The following PYCR2 variants were observed in gnomAD, a reference collection of about 807,000 sequenced individuals.
PYCR2 encodes P5C reductase 2.
A neutral mutation model predicts 23.4 loss-of-function variants in PYCR2; 17 were observed. The ratio of observed to expected loss-of-function variants is 0.73; its 90% CI spans 0.50 to 1.09. The LOEUF is 1.09. Among genes scored for constraint, PYCR2 ranks in the 50% least tolerant of loss-of-function variants. PYCR2 has a pLI of 0.00. For missense variants in PYCR2, 380 were observed against 423.5 expected, an observed-to-expected ratio of 0.90 and a Z score of 0.90; for synonymous variants, 172 against 176.6, an observed-to-expected ratio of 0.97 and a Z score of 0.21.
At chr1:225,922,968 A>G in intron 2 of PYCR2, 1 of 953,376 alleles carries the variant, frequency 1.0e-6, no homozygotes, top group Non-Finnish European at 1.2e-6. Flanking sequence ...AAGACTTGGA[A>G]TATGTTTTTG....
At chr1:225,923,528 C>A in intron 2 of PYCR2, 173 bp downstream of exon 2, 1 of 1,453,798 alleles carries the variant, frequency 6.9e-7, no homozygotes, top group South Asian at 1.4e-5. Context: ...TGGGTGTTCC[C>A]ACCACATTGA....
At position 225,921,377 on chromosome 1, in the gene PYCR2, G is replaced by A; in HGVS notation, c.634-6C>T. 1 of 1,536,150 alleles carries A rather than the reference G, an allele frequency of 6.5e-7. No homozygotes were observed. Among genetic ancestry groups the A allele is most frequent in the Admixed American group, 1.7e-5 (1 of 59,542 alleles). On this transcript the variant is annotated splice_region_variant and splice_polypyrimidine_tract_variant and intron_variant, in intron 5 of 6. Coordinates refer to ENST00000343818, the MANE Select transcript of PYCR2 (RefSeq NM_013328.4). The surrounding 1 kb of genome is among the most constrained non-coding windows in gnomAD (Gnocchi z 4.2). ...AGCAGCATCTTGGCAGCTCCCTATG[G>A]GGAAGGGCACATTAGGAGAAAGTTG... is the stretch of plus-strand genomic sequence containing the variant.
rs538606802 is a variant in PYCR2 at position 225,921,971 on chromosome 1, C to T, written c.427G>A (p.Val143Met). The change falls in exon 4 of 7, where the codon GTG becomes ATG. Residue 143 changes from valine (V) to methionine (M), a missense_variant. By Grantham distance (21) the Val-to-Met change is conservative (BLOSUM62 1). Transcript: ENST00000343818. The surrounding 1 kb of genome is among the most constrained non-coding windows in gnomAD (Gnocchi z 4.2). ...TGCTCCAGGAGCTGCCCATCCTCCACCAGGGCATGGGTGCCCGTGGCGTAC... is the reference window on the plus strand; with the variant it reads ...TGCTCCAGGAGCTGCCCATCCTCCATCAGGGCATGGGTGCCCGTGGCGTAC... Reference protein sequence around the residue: ...TVYATGTHALVEDGQLLEQLM... With the variant: ...TVYATGTHALMEDGQLLEQLM... The T allele has an allele frequency of 2.0e-5, 33 of 1,614,162 alleles. No homozygotes were observed. The highest frequency in any genetic ancestry group is 1.7e-4 in the Admixed American group (10 of 60,024).
In PYCR2 at chr1:225,921,430, T is replaced by G; in HGVS notation, c.634-59A>C. On this transcript the variant is annotated intron_variant, in intron 5 of 6. Transcript: ENST00000343818. The surrounding 1 kb of genome is among the most constrained non-coding windows in gnomAD (Gnocchi z 4.2). ...GGTGTGCGTTGGAACAGGCTTCCCA[T>G]ACCCACTGCTCCTGCCCAACTGCTA... is the stretch of plus-strand genomic sequence containing the variant. 1 of 1,522,322 alleles carries G rather than the reference T, an allele frequency of 6.6e-7. No individual in the cohort carries two copies. Among genetic ancestry groups the G allele is most frequent in the Non-Finnish European group, 9.1e-7 (1 of 1,104,472 alleles). The allele number at this position is 1,522,322 out of a possible 1,614,324, so 94.3% of individuals were successfully genotyped here.
rs928385102 is a variant in PYCR2 at position 225,921,149 on chromosome 1, A to G, written c.797+59T>C. The stretch of plus-strand genomic sequence containing the variant: ...AGGTTCCGCAAATGGTGCTCAACCC[A>G]GCCCAGGGACCAACCAGGACTGAAG... On this transcript the variant is annotated intron_variant, in intron 6 of 6. Coordinates refer to ENST00000343818, the MANE Select transcript of PYCR2 (RefSeq NM_013328.4). The surrounding 1 kb of genome is among the most constrained non-coding windows in gnomAD (Gnocchi z 4.2). The G allele has an allele frequency of 2.4e-5, 37 of 1,515,856 alleles. No homozygotes were observed. In the African/African-American group the frequency reaches 4.9e-4, roughly 20 times the overall value. 93.9% of individuals were successfully genotyped at this position (1,515,856 alleles called of 1,614,324 possible).
Position 225,922,255 on chromosome 1 carries a change from T to C in PYCR2, c.267A>G (p.Arg89=), listed in dbSNP as rs370656182. ...LDEIGADVQA[R]HIVVSCAAGV... is the part of the protein sequence containing the mutation. ...CAGCCGCACAGGAGACCACGATGTG[T>C]CTGGCTTGCACGTCGGCCCCAATCT... is the stretch of plus-strand genomic sequence containing the variant. Residue 89 remains arginine (R), a synonymous_variant, in exon 3 of 7, where the codon AGA becomes AGG. Coordinates refer to ENST00000343818, the MANE Select transcript of PYCR2 (RefSeq NM_013328.4). The C allele has an allele frequency of 1.2e-5, 19 of 1,614,202 alleles. No individual in the cohort carries two copies. The highest frequency in any genetic ancestry group is 4.0e-5 in the African/African-American group (3 of 75,054).
chr1:225,923,720 G>C lies in PYCR2; in HGVS notation c.119C>G (p.Pro40Arg). The C allele has an allele frequency of 6.2e-7, 1 of 1,614,180 alleles. No individual in the cohort carries two copies. Among genetic ancestry groups the C allele is most frequent in the Non-Finnish European group, 8.5e-7 (1 of 1,180,018 alleles). ...IIASSPEMNL[P>R]TVSALRKMGV... The stretch of plus-strand genomic sequence containing the variant: ...ACCTACCCTGAGCGCGGACACCGTG[G>C]GCAGGTTCATTTCTGGGGAGCTGGC... The change falls in exon 2 of 7, where the codon CCC becomes CGC. Residue 40 changes from proline (P) to arginine (R), a missense_variant. Transcript: ENST00000343818.
At position 225,923,691 on chromosome 1, in the gene PYCR2, C is replaced by A; in HGVS notation, c.138+10G>T. ...TCCACCCGCTTCCCACTCCGCCCGGCTCCACCTACCCTGAGCGCGGACACC... is the reference window on the plus strand; with the variant it reads ...TCCACCCGCTTCCCACTCCGCCCGGATCCACCTACCCTGAGCGCGGACACC... On this transcript the variant is annotated intron_variant, in intron 2 of 6. Coordinates refer to ENST00000343818, the MANE Select transcript of PYCR2 (RefSeq NM_013328.4). 1 of 1,614,072 alleles carries A rather than the reference C, an allele frequency of 6.2e-7. No individual in the cohort carries two copies.
chr1:225,920,249 C>T lies in PYCR2; in HGVS notation c.*206G>A, dbSNP rs901600429. The T allele has an allele frequency of 5.0e-6, 2 of 397,954 alleles. No homozygotes were observed. Among genetic ancestry groups the T allele is most frequent in the African/African-American group, 4.2e-5 (2 of 47,810 alleles). The allele number at this position is 397,954 out of a possible 1,614,324, so 24.7% of individuals were successfully genotyped here. A position where few individuals can be genotyped will look rare whatever the true frequency, so the allele number is the denominator to read the frequency against. ...ATCTACCACCCCTTCAGAGCAACTT[C>T]CAACATGGGACAGGAGAGGAAGCTC... On this transcript the variant is annotated 3_prime_UTR_variant, in exon 7 of 7. Coordinates refer to ENST00000343818, the MANE Select transcript of PYCR2 (RefSeq NM_013328.4).
intron 1 of PYCR2, 44 bp downstream of exon 1, chr1:225,924,000 C>A: frequency 6.5e-7 from 1 of 1,532,162 alleles, no homozygotes; most frequent in Non-Finnish European, 8.8e-7. Context: ...CCCCTCGGGC[C>A]TCGGGACCGC....
intron 2 of PYCR2, 160 bp from the exon 3 acceptor site, chr1:225,922,543 G>A (rs10915898): frequency 0.17 from 112,317 of 667,388 alleles, 10,740 homozygotes; most frequent in East Asian, 0.34. Context: ...AAATAATACA[G>A]TTTCCCATTG....
chr1:225,921,246 CAG>C lies in PYCR2; in HGVS notation c.757_758del (p.Leu253AlafsTer6), dbSNP rs886043378. On this transcript the variant is annotated frameshift_variant, in exon 6 of 7. Coordinates refer to ENST00000343818, the MANE Select transcript of PYCR2 (RefSeq NM_013328.4). LOFTEE classifies it high-confidence loss of function. This position sits in a 1 kb window ranked among gnomAD's most constrained non-coding sequence, Gnocchi z 4.2. ...HFLESGGFRS[L>X]LINAVEASCI... ...AGGAGGCCTCAACTGCATTGATGAG[CAG>C]AGAGCGGAAGCCCCCACTCTCTAGA... 6.2e-7 allele frequency: 1 copy of C among 1,614,024 alleles called. No homozygotes were observed. The highest frequency in any genetic ancestry group is 1.3e-5 in the African/African-American group (1 of 75,048).
At chr1:225,923,526 C>T (rs1454079796) in intron 2 of PYCR2, 175 bp downstream of exon 2, 1 of 1,451,908 alleles carries the variant, frequency 6.9e-7, no homozygotes, top group Non-Finnish European at 9.1e-7. Flanking sequence ...CCTGGGTGTT[C>T]CCACCACATT....
At position 225,920,430 on chromosome 1, in the gene PYCR2, A is replaced by C; in HGVS notation, c.*25T>G. Reference sequence around the variant, plus strand: ...CAGGGGCTCTCAACTAAGGGCTCTGAATCACAGAGGGGACAGATGCTGCCT... The same window carrying C: ...CAGGGGCTCTCAACTAAGGGCTCTGCATCACAGAGGGGACAGATGCTGCCT... On this transcript the variant is annotated 3_prime_UTR_variant, in exon 7 of 7. Transcript: ENST00000343818. The C allele has an allele frequency of 7.1e-7, 1 of 1,417,682 alleles. No homozygotes were observed. The highest frequency in any genetic ancestry group is 9.5e-7 in the Non-Finnish European group (1 of 1,049,476). 87.8% of individuals were successfully genotyped at this position (1,417,682 alleles called of 1,614,324 possible). A position where few individuals can be genotyped will look rare whatever the true frequency, so the allele number is the denominator to read the frequency against.
Position 225,924,090 on chromosome 1 carries a change from C to T in PYCR2, c.21G>A (p.Gly7=). Residue 7 remains glycine (G), a synonymous_variant, in exon 1 of 7, where the codon GGG becomes GGA. Coordinates refer to ENST00000343818, the MANE Select transcript of PYCR2 (RefSeq NM_013328.4). MSVGFI[G]AGQLAYALAR... ...CCAGAGCATAGGCCAGCTGGCCGGC[C>T]CCGATGAAGCCCACGCTCATGGTCC... 6.5e-7 allele frequency: 1 copy of T among 1,545,446 alleles called. No homozygotes were observed. Among genetic ancestry groups the T allele is most frequent in the Non-Finnish European group, 8.7e-7 (1 of 1,148,222 alleles).
chr1:225,920,458 G>C lies in PYCR2; in HGVS notation c.960C>G (p.Asp320Glu). ...CACAGAGGGGACAGATGCTGCCTTA[G>C]TCCTTCTTGCCTCCCAGGGCCAGGC... ...TRSLALGGKK[D>E] The change falls in exon 7 of 7, where the codon GAC becomes GAG. Residue 320 changes from aspartate (D) to glutamate (E), a missense_variant. Physicochemically the swap from Asp to Glu is conservative, Grantham distance 45 (BLOSUM62 2). Coordinates refer to ENST00000343818, the MANE Select transcript of PYCR2 (RefSeq NM_013328.4). The C allele has an allele frequency of 1.4e-6, 2 of 1,443,582 alleles. No homozygotes were observed. The highest frequency in any genetic ancestry group is 1.9e-6 in the Non-Finnish European group (2 of 1,064,258). The allele number at this position is 1,443,582 out of a possible 1,614,324, so 89.4% of individuals were successfully genotyped here.
Position 225,922,203 on chromosome 1 carries a change from C to A in PYCR2, c.318+1G>T. 6.2e-7 allele frequency: 1 copy of A among 1,612,682 alleles called. No homozygotes were observed. Among genetic ancestry groups the A allele is most frequent in the Non-Finnish European group, 8.5e-7 (1 of 1,178,850 alleles). On this transcript the variant is annotated splice_donor_variant, in intron 3 of 6. Coordinates refer to ENST00000343818, the MANE Select transcript of PYCR2 (RefSeq NM_013328.4). LOFTEE classifies it high-confidence loss of function. ...AGGGGCATCAGGGCTGAGATGGGCA[C>A]CTTCTCCACAGAGCTGATGGTGACA...
rs765551518 is a variant in PYCR2, at chr1:225,920,655, C to T, written c.798-35G>A. ...AAACCCCAGAAGGATTAAAGGAAGGCAATAAACCCTGGGGCCAGAGCTTTG... is the reference window on the plus strand; with the variant it reads ...AAACCCCAGAAGGATTAAAGGAAGGTAATAAACCCTGGGGCCAGAGCTTTG... On this transcript the variant is annotated intron_variant, in intron 6 of 6. Coordinates refer to ENST00000343818, the MANE Select transcript of PYCR2 (RefSeq NM_013328.4). 11 of 1,600,216 alleles carry T rather than the reference C, an allele frequency of 6.9e-6. No homozygotes were observed. The South Asian group carries it at 1.2e-4, about 18-fold the overall frequency.
chr1:225,921,454 T>C lies in PYCR2; in HGVS notation c.634-83A>G, dbSNP rs761514131. On this transcript the variant is annotated intron_variant, in intron 5 of 6. Transcript: ENST00000343818. This position sits in a 1 kb window ranked among gnomAD's most constrained non-coding sequence, Gnocchi z 4.2. ...ATACCCACTGCTCCTGCCCAACTGC[T>C]ACCCCAGCTTCCCAACCAACTCCCA... 1.9e-6 allele frequency: 3 copies of C among 1,544,752 alleles called. No homozygotes were observed. The highest frequency in any genetic ancestry group is 8.9e-7 in the Non-Finnish European group (1 of 1,122,986).
Sources: gnomAD v4.1 joint callset for allele counts on GRCh38, gnomAD v4.1.1 for gene constraint, Gnocchi (gnomAD v3.1) non-coding constraint, MANE v1.5 for transcripts, NCBI Gene and HGNC (gene_info 2026-07-23, HGNC 2026-07-21) for gene names.